PRAMEF4: variants seen among roughly 807,000 people sequenced by gnomAD.
The protein encoded by PRAMEF4 is PRAME family member 4.
PRAMEF4 carries 18 observed loss-of-function variants against 34.4 expected under a neutral mutation model. The ratio of observed to expected loss-of-function variants is 0.52; its 90% CI spans 0.36 to 0.78. The LOEUF is 0.78. PRAMEF4 is among the 30% of genes least tolerant of loss of function. PRAMEF4 has a pLI of 0.00. For synonymous variants in PRAMEF4, 156 were observed against 219.3 expected, an observed-to-expected ratio of 0.71 and a Z score of 2.55; for missense variants, 482 against 569.1, an observed-to-expected ratio of 0.85 and a Z score of 1.56.
Position 12,881,695 on chromosome 1 carries a change from C to A in PRAMEF4, c.875+159G>T, listed in dbSNP as rs563757568. On this transcript the variant is annotated intron_variant, in intron 3 of 3. Coordinates refer to ENST00000235349, the MANE Select transcript of PRAMEF4 (RefSeq NM_001009611.4). ...CTCTATTGGGAGGGTTGCATGATAC[C>A]CATTTCAGGACAGGGCCGCCCACAG... 2.1e-5 allele frequency among the ~76,000 whole-genome samples: 3 copies of A among 144,806 alleles called. 1 individual carries two copies. Among genetic ancestry groups the A allele is most frequent in the African/African-American group, 7.9e-5 (3 of 37,808 alleles). The allele number at this position is 144,806 out of a possible 152,430, so 95.0% of individuals were successfully genotyped here. A position where few individuals can be genotyped will look rare whatever the true frequency, so the allele number is the denominator to read the frequency against.
At chr1:12,885,128 T>C (rs1313349324) in intron 1 of PRAMEF4, among the ~76,000 whole-genome samples, 5 of 150,830 alleles carry the variant, frequency 3.3e-5, no homozygotes, top group African/African-American at 1.2e-4. Flanking sequence ...CTGGGTCATA[T>C]AATTGTTTTT....
At chr1:12,881,577 A>G (rs1469398729) in intron 3 of PRAMEF4, among the ~76,000 whole-genome samples, 2 of 143,022 alleles carry the variant, frequency 1.4e-5, no homozygotes, top group African/African-American at 5.5e-5. Context: ...GGAAGAATTC[A>G]GAAAGGCACC....
chr1:12,883,179 T>C lies in PRAMEF4; in HGVS notation c.216A>G (p.Ile72Met). The stretch of plus-strand genomic sequence containing the variant: ...GGAAGGCCTCCAGACAAGGCATCTT[T>C]ATCAGAGGCCTCAGAGGGAGGCGGC... ...PFRRLPLRPL[I>M]KMPCLEAFQA... Residue 72 changes from isoleucine to methionine, a missense_variant, in exon 2 of 4, where the codon ATA (isoleucine) becomes ATG (methionine). Transcript: ENST00000235349. The C allele has an allele frequency of 6.2e-7, 1 of 1,600,682 alleles. No homozygotes were observed. The highest frequency in any genetic ancestry group is 8.5e-7 in the Non-Finnish European group (1 of 1,173,802).
In PRAMEF4 at chr1:12,885,607, C is replaced by G. The variant is rs1234034296; in HGVS notation, c.-17+540G>C. 4.1e-5 allele frequency among the ~76,000 whole-genome samples: 6 copies of G among 146,286 alleles called. 1 individual carries two copies. Among genetic ancestry groups the G allele is most frequent in the Non-Finnish European group, 6.0e-5 (4 of 66,754 alleles). On this transcript the variant is annotated intron_variant, in intron 1 of 3. Coordinates refer to ENST00000235349, the MANE Select transcript of PRAMEF4 (RefSeq NM_001009611.4). ...ACCAACCTGGCCAGCGTGGTGAAAC[C>G]CCACCTCTACTAAAAATACAAAAGT...
At chr1:12,885,589 T>A (rs1261626760) in intron 1 of PRAMEF4, among the ~76,000 whole-genome samples, 1 of 147,008 alleles carries the variant, frequency 6.8e-6, no homozygotes, top group Non-Finnish European at 1.5e-5. Context: ...GAGACCAACC[T>A]GGCCAGCGTG....
At chr1:12,881,008 G>T (rs539935932) in intron 3 of PRAMEF4, among the ~76,000 whole-genome samples, 1 of 147,914 alleles carries the variant, frequency 6.8e-6, no homozygotes, top group Admixed American at 6.9e-5. Context: ...ACAAGTGCAG[G>T]TTTGCTGAAC....
At chr1:12,880,253 G>A in intron 3 of PRAMEF4, 148 bp from the exon 4 acceptor site, 8 of 1,426,000 alleles carry the variant, frequency 5.6e-6, no homozygotes, top group African/African-American at 1.4e-5. Flanking sequence ...TTAGGATGAT[G>A]TGTGATGAAG....
At chr1:12,885,261 C>T (rs1483314814) in intron 1 of PRAMEF4, among the ~76,000 whole-genome samples, 1 of 149,896 alleles carries the variant, frequency 6.7e-6, no homozygotes, top group Non-Finnish European at 1.5e-5. Context: ...TTCCACATAG[C>T]TGGGACTACA....
chr1:12,883,171 G>A lies in PRAMEF4; in HGVS notation c.224C>T (p.Pro75Leu), dbSNP rs200286614. Residue 75 changes from proline (P) to leucine (L), a missense_variant, in exon 2 of 4, where the codon CCT (proline) becomes CTT (leucine). Pro to Leu is a moderately conservative substitution (Grantham distance 98, BLOSUM62 -3). Coordinates refer to ENST00000235349, the MANE Select transcript of PRAMEF4 (RefSeq NM_001009611.4). ...CACAGCTTGGAAGGCCTCCAGACAAGGCATCTTTATCAGAGGCCTCAGAGG... is the reference window on the plus strand; with the variant it reads ...CACAGCTTGGAAGGCCTCCAGACAAAGCATCTTTATCAGAGGCCTCAGAGG... ...RLPLRPLIKM[P>L]CLEAFQAVLD... 2 of 1,601,210 alleles carry A rather than the reference G, an allele frequency of 1.2e-6. No individual in the cohort carries two copies. Among genetic ancestry groups the A allele is most frequent in the Non-Finnish European group, 1.7e-6 (2 of 1,174,028 alleles).
At chr1:12,885,410 A>T (rs932698811) in intron 1 of PRAMEF4, among the ~76,000 whole-genome samples, 1 of 149,860 alleles carries the variant, frequency 6.7e-6, no homozygotes, top group Non-Finnish European at 1.5e-5. Flanking sequence ...AGGCTGGAGT[A>T]CAGTAGTGGT....
At chr1:12,884,939 AG>A (rs1640971093) in intron 1 of PRAMEF4, among the ~76,000 whole-genome samples, 1 of 150,320 alleles carries the variant, frequency 6.7e-6, no homozygotes, top group South Asian at 2.1e-4. Context: ...GAGACAGGGA[AG>A]GGTTGAATCT....
In PRAMEF4 at chr1:12,883,086, A is replaced by G. The variant is rs1314274289; in HGVS notation, c.293+16T>C. ...ACACCTGGGCCCTCCCCACCAGCCC[A>G]CCTGGGCCACCTCACCTGGGACGAA... On this transcript the variant is annotated intron_variant, in intron 2 of 3. Coordinates refer to ENST00000235349, the MANE Select transcript of PRAMEF4 (RefSeq NM_001009611.4). The G allele has an allele frequency of 1.9e-6, 3 of 1,600,360 alleles. 1 individual carries two copies. The highest frequency in any genetic ancestry group is 3.5e-5 in the Admixed American group (2 of 57,672).
intron 1 of PRAMEF4, among the ~76,000 whole-genome samples, chr1:12,885,807 T>G (rs1279621177): frequency 6.9e-6 from 1 of 145,312 alleles, no homozygotes; most frequent in Non-Finnish European, 1.5e-5. Context: ...AAAAACGTTG[T>G]GCAGAGGAGG....
At chr1:12,884,099 C>T (rs1376957195) in intron 1 of PRAMEF4, among the ~76,000 whole-genome samples, 1 of 146,296 alleles carries the variant, frequency 6.8e-6, no homozygotes, top group African/African-American at 2.6e-5. Context: ...GCCTTGACCT[C>T]CCAGCTCAAA....
rs756831732 is a variant in PRAMEF4 at position 12,881,854 on chromosome 1, C to A, written c.875G>T (p.Ser292Ile). The A allele has an allele frequency of 5.8e-5, 92 of 1,596,664 alleles. No homozygotes were observed. Among genetic ancestry groups the A allele is most frequent in the Non-Finnish European group, 7.6e-5 (89 of 1,174,606 alleles). The change falls in exon 3 of 4, where the codon AGC becomes ATC. Residue 292 changes from serine to isoleucine, a missense_variant and splice_region_variant. Around this residue, in one of 6 missense-constraint regions of PRAMEF4, gnomAD observed 35 missense variants for 109.2 expected, o/e 0.32. Transcript: ENST00000235349. Reference protein sequence around the residue: ...FLEGHLDQLLSCLKTSLKFLT... With the variant: ...FLEGHLDQLLICLKTSLKFLT... The stretch of plus-strand genomic sequence containing the variant: ...GAGAAAGCTCACCACCCTCCCTCAC[C>A]TGAGCAGCTGGTCCAGGTGGCCTTC...
rs759073350 is a variant in PRAMEF4 at position 12,883,276 on chromosome 1, G to T, written c.119C>A (p.Pro40Gln). 11 of 1,599,246 alleles carry T rather than the reference G, an allele frequency of 6.9e-6. No individual in the cohort carries two copies. The highest frequency in any genetic ancestry group is 3.3e-5 in the South Asian group (3 of 90,166). The change falls in exon 2 of 4, where the codon CCA becomes CAA. Residue 40 changes from proline to glutamine, a missense_variant. This residue lies in a region of PRAMEF4 where 172 missense variants were observed against 130.2 expected (regional missense o/e 1.32). Coordinates refer to ENST00000235349, the MANE Select transcript of PRAMEF4 (RefSeq NM_001009611.4). ...CCTGCTGAAGGCCTCCATGAACAGTGGGGGGAAAAGTTCTGTGGGCAGCTC... is the reference window on the plus strand; with the variant it reads ...CCTGCTGAAGGCCTCCATGAACAGTTGGGGGAAAAGTTCTGTGGGCAGCTC... ...LEELPTELFP[P>Q]LFMEAFSRRR...
chr1:12,883,550 T>G, intron 1 of PRAMEF4, 140 bp from the exon 2 acceptor site: 1 of 1,203,348 alleles, frequency 8.3e-7, no homozygotes, highest in Non-Finnish European at 1.2e-6. Context: ...CTGTACTCAG[T>G]GGCCATTAAG....
chr1:12,884,403 T>G (rs77011761), intron 1 of PRAMEF4, among the ~76,000 whole-genome samples: 1 of 149,072 alleles, frequency 6.7e-6, no homozygotes, highest in Admixed American at 6.9e-5. Flanking sequence ...CAATGCACAC[T>G]TGTTACACAT....
Position 12,883,246 on chromosome 1 carries a change from C to A in PRAMEF4, c.149G>T (p.Arg50Leu), listed in dbSNP as rs780124560. 5.1e-5 allele frequency: 82 copies of A among 1,599,186 alleles called. 9 individuals are homozygous for A. The highest frequency in any genetic ancestry group is 6.7e-5 in the Non-Finnish European group (79 of 1,173,098). ...PLFMEAFSRR[R>L]CEALKLMVQS... Reference sequence around the variant, plus strand: ...CACCATCAGCTTCAGGGCCTCACAGCGTCTCCTGCTGAAGGCCTCCATGAA... The same window carrying A: ...CACCATCAGCTTCAGGGCCTCACAGAGTCTCCTGCTGAAGGCCTCCATGAA... The change falls in exon 2 of 4, where the codon CGC (arginine) becomes CTC (leucine). Residue 50 changes from arginine (R) to leucine (L), a missense_variant. By Grantham distance (102) the Arg-to-Leu change is moderately radical. Around this residue, in one of 6 missense-constraint regions of PRAMEF4, gnomAD observed 172 missense variants for 130.2 expected, o/e 1.32. Transcript: ENST00000235349.
Sources: gnomAD v4.1 joint callset for allele counts (sites outside exome capture counted in the v4.1 genomes callset) on GRCh38, gnomAD v4.1.1 for gene constraint, gnomAD v4.1.1 regional missense constraint, MANE v1.5 for transcripts, NCBI Gene and HGNC (gene_info 2026-07-23, HGNC 2026-07-21) for gene names.